Variants in CCT6B observed in about 807,000 individuals in gnomAD.
The protein encoded by CCT6B is chaperonin containing TCP1 subunit 6B.
Under a neutral mutation model 61.5 loss-of-function variants are expected in CCT6B, and 49 were observed. The observed-to-expected ratio is 0.80, with a 90% CI of 0.63 to 1.01. The LOEUF is 1.01. Among genes scored for constraint, CCT6B ranks in the 50% least tolerant of loss-of-function variants. The pLI, the probability that CCT6B is intolerant of heterozygous loss-of-function variation, is 0.00. For missense variants in CCT6B, 666 were observed against 634.7 expected, an observed-to-expected ratio of 1.05 and a Z score of -0.53; for synonymous variants, 228 against 214.5, an observed-to-expected ratio of 1.06 and a Z score of -0.55.
intron 3 of CCT6B, among the ~76,000 whole-genome samples, chr17:34,955,120 C>T (rs1005498014): frequency 6.6e-6 from 1 of 152,162 alleles, no homozygotes; most frequent in Non-Finnish European, 1.5e-5. Flanking sequence ...CAAATCCACA[C>T]TGAGGGACTT....
At chr17:34,935,892 T>C (rs1045396059) in intron 10 of CCT6B, among the ~76,000 whole-genome samples, 11 of 151,226 alleles carry the variant, frequency 7.3e-5, no homozygotes, top group African/African-American at 2.2e-4. Context: ...ATCATCTCAA[T>C]AGATGCACAA....
At chr17:34,957,859 G>A (rs553964443) in intron 3 of CCT6B, among the ~76,000 whole-genome samples, 107 of 152,314 alleles carry the variant, frequency 7.0e-4, no homozygotes, top group African/African-American at 2.4e-3. Context: ...GGCTGAAGTA[G>A]ATGATTTATA....
chr17:34,939,517 C>A, intron 9 of CCT6B, 100 bp downstream of exon 9: 1 of 897,124 alleles, frequency 1.1e-6, no homozygotes. Context: ...TGAATTAGAT[C>A]TCAAAACACA....
intron 4 of CCT6B, among the ~76,000 whole-genome samples, chr17:34,954,206 T>A (rs1353609065): frequency 6.6e-6 from 1 of 152,052 alleles, no homozygotes; most frequent in Admixed American, 6.6e-5. Context: ...ACCTTTCAAG[T>A]CACGTTTAAA....
chr17:34,952,524 A>G (rs1251988875), intron 4 of CCT6B, among the ~76,000 whole-genome samples: 1 of 152,218 alleles, frequency 6.6e-6, no homozygotes, highest in East Asian at 1.9e-4. Flanking sequence ...TTAAAGTCTC[A>G]TGTTTTATCG....
intron 10 of CCT6B, among the ~76,000 whole-genome samples, chr17:34,935,586 T>G (rs1379127229): frequency 6.6e-6 from 1 of 152,192 alleles, no homozygotes; most frequent in Non-Finnish European, 1.5e-5. Context: ...CTGGGTGCAG[T>G]GGCTCAGGCT....
At chr17:34,939,490 C>G in intron 9 of CCT6B, 127 bp downstream of exon 9, 1 of 814,986 alleles carries the variant, frequency 1.2e-6, no homozygotes, top group Non-Finnish European at 2.0e-6. Context: ...GGTAAATAAA[C>G]TGTAAAATCT....
In CCT6B at chr17:34,938,283, G is replaced by A. The variant is rs191096560; in HGVS notation, c.1213+900C>T. 3.2e-4 allele frequency among the ~76,000 whole-genome samples: 49 copies of A among 152,242 alleles called. 1 individual carries two copies. Among genetic ancestry groups the A allele is most frequent in the Admixed American group, 2.7e-3 (41 of 15,290 alleles). ...AAACACATTAAAAGATGCTCAACAT[G>A]GGCTGAATGTGGTGGCTCGTGCCTA... On this transcript the variant is annotated intron_variant, in intron 10 of 13. Transcript: ENST00000314144.
intron 5 of CCT6B, among the ~76,000 whole-genome samples, chr17:34,947,035 G>A (rs2090231916): frequency 6.6e-6 from 1 of 152,166 alleles, no homozygotes; most frequent in African/African-American, 2.4e-5. Context: ...CACTTCATTA[G>A]AAAGTTTATT....
intron 10 of CCT6B, among the ~76,000 whole-genome samples, 189 bp downstream of exon 10, chr17:34,938,994 G>A (rs2142147398): frequency 6.6e-6 from 1 of 152,270 alleles, no homozygotes; most frequent in Middle Eastern, 3.4e-3. Context: ...TGAGGCAGAA[G>A]AATCACTTGA....
intron 7 of CCT6B, among the ~76,000 whole-genome samples, chr17:34,940,970 T>C (rs1244827900): frequency 1.3e-5 from 2 of 152,172 alleles, no homozygotes; most frequent in Non-Finnish European, 2.9e-5. Flanking sequence ...AAATGGATTC[T>C]CATATCTCAT....
At position 34,961,422 on chromosome 17, in the gene CCT6B, A is replaced by G; in HGVS notation, c.-29T>C. ...CTAACCGTTCAGAGGGAGAAAAAAA[A>G]AAAGCCTTAGTCGCGATTCTGAGCA... is the stretch of plus-strand genomic sequence containing the variant. On this transcript the variant is annotated 5_prime_UTR_variant, in exon 1 of 14. Coordinates refer to ENST00000314144, the MANE Select transcript of CCT6B (RefSeq NM_006584.4). 6.4e-7 allele frequency: 1 copy of G among 1,568,790 alleles called. No homozygotes were observed. The highest frequency in any genetic ancestry group is 8.6e-7 in the Non-Finnish European group (1 of 1,163,890).
intron 7 of CCT6B, among the ~76,000 whole-genome samples, chr17:34,941,529 A>G (rs1298759799): frequency 1.3e-5 from 2 of 152,240 alleles, no homozygotes; most frequent in African/African-American, 4.8e-5. Context: ...TAATTTTTTA[A>G]AAAAGTTCAA....
At chr17:34,932,860 C>T (rs747744336) in intron 10 of CCT6B, among the ~76,000 whole-genome samples, 4 of 152,158 alleles carry the variant, frequency 2.6e-5, no homozygotes, top group Non-Finnish European at 4.4e-5. Context: ...TGACTCACTC[C>T]AACCTCTGCC....
chr17:34,929,331 T>A (rs2090007645), intron 12 of CCT6B, among the ~76,000 whole-genome samples: 1 of 152,104 alleles, frequency 6.6e-6, no homozygotes, highest in Admixed American at 6.5e-5. Context: ...TTCCTCTTCC[T>A]CCCTGACCTC....
At chr17:34,939,566 A>T (rs1441854629) in intron 9 of CCT6B, 51 bp downstream of exon 9, 2 of 1,175,780 alleles carry the variant, frequency 1.7e-6, no homozygotes, top group African/African-American at 3.1e-5. Flanking sequence ...TTTTCTTTAA[A>T]AAAGGGGGCT....
chr17:34,938,955 G>A (rs896089155), intron 10 of CCT6B, among the ~76,000 whole-genome samples: 10 of 152,020 alleles, frequency 6.6e-5, no homozygotes, highest in African/African-American at 2.2e-4. Flanking sequence ...GTGGTGGTGT[G>A]TGCCTGTAAT....
intron 3 of CCT6B, among the ~76,000 whole-genome samples, chr17:34,957,826 G>A (rs1597765223): frequency 1.3e-5 from 2 of 152,202 alleles, no homozygotes; most frequent in African/African-American, 4.8e-5. Flanking sequence ...GATGTTTTCA[G>A]AGGCCAGTGA....
In CCT6B at chr17:34,932,595, A is replaced by G. The variant is rs943728559; in HGVS notation, c.1214-95T>C. 1.2e-5 allele frequency: 14 copies of G among 1,136,974 alleles called. No individual in the cohort carries two copies. The African/African-American group carries it at 1.7e-4, about 14-fold the overall frequency. 70.4% of individuals were successfully genotyped at this position (1,136,974 alleles called of 1,614,324 possible). A position where few individuals can be genotyped will look rare whatever the true frequency, so the allele number is the denominator to read the frequency against. ...GCAATTCACTATTTAAGTATGTTCT[A>G]TTATCTACAGAAACCAAATAAATTG... On this transcript the variant is annotated intron_variant, in intron 10 of 13. Coordinates refer to ENST00000314144, the MANE Select transcript of CCT6B (RefSeq NM_006584.4).
Sources: gnomAD v4.1 joint callset for allele counts (sites outside exome capture counted in the v4.1 genomes callset) on GRCh38, gnomAD v4.1.1 for gene constraint, MANE v1.5 for transcripts, NCBI Gene and HGNC (gene_info 2026-07-23, HGNC 2026-07-21) for gene names.